Variants in AKT3 observed in about 807,000 individuals in gnomAD.
The protein encoded by AKT3 is AKT serine/threonine kinase 3, also known as RAC-gamma serine/threonine-protein kinase.
Under a neutral mutation model 65.3 loss-of-function variants are expected in AKT3, and 15 were observed. The observed-to-expected ratio is 0.23, with a 90% confidence interval of 0.15 to 0.35. AKT3 has a LOEUF of 0.35. Among genes scored for constraint, AKT3 ranks in the 10% least tolerant of loss-of-function variants. AKT3 has a pLI of 1.00. For missense variants in AKT3, 243 were observed against 576.5 expected, an observed-to-expected ratio of 0.42 and a Z score of 5.92; for synonymous variants, 206 against 183.8, an observed-to-expected ratio of 1.12 and a Z score of -0.98.
At chr1:243,592,171 T>A (rs560626651) in intron 8 of AKT3, among the ~76,000 whole-genome samples, 9 of 151,742 alleles carry the variant, frequency 5.9e-5, no homozygotes, top group Admixed American at 1.3e-4. Context: ...CCGTCGCTAC[T>A]AAAAATACAA....
At chr1:243,744,556 G>A (rs995644594) in intron 2 of AKT3, among the ~76,000 whole-genome samples, 6 of 151,750 alleles carry the variant, frequency 4.0e-5, no homozygotes, top group Admixed American at 6.6e-5. Context: ...CGGCTAAAAC[G>A]GTGAAACCCC....
chr1:243,693,823 T>C (rs547159306), intron 3 of AKT3, among the ~76,000 whole-genome samples: 50 of 152,278 alleles, frequency 3.3e-4, no homozygotes, highest in Admixed American at 8.5e-4. Context: ...TAGAGTAAGA[T>C]CCATGTTACT....
chr1:243,530,559 C>A (rs187333324), intron 12 of AKT3, among the ~76,000 whole-genome samples: 1 of 152,238 alleles, frequency 6.6e-6, no homozygotes, highest in East Asian at 1.9e-4. Flanking sequence ...TAAACGCCCA[C>A]ATAAAAAGTT....
intron 2 of AKT3, among the ~76,000 whole-genome samples, chr1:243,721,835 G>T (rs911517677): frequency 2.6e-5 from 4 of 152,048 alleles, no homozygotes; most frequent in Non-Finnish European, 5.9e-5. Context: ...CACTCCTGTT[G>T]CTTCCAGGCA....
At chr1:243,605,422 C>T (rs555112325) in intron 8 of AKT3, among the ~76,000 whole-genome samples, 2 of 152,246 alleles carry the variant, frequency 1.3e-5, no homozygotes, top group Admixed American at 1.3e-4. Context: ...AGTTTATATT[C>T]CATGAAGCTC....
At chr1:243,739,895 T>G (rs1688050636) in intron 2 of AKT3, among the ~76,000 whole-genome samples, 1 of 152,250 alleles carries the variant, frequency 6.6e-6, no homozygotes, top group Non-Finnish European at 1.5e-5. Flanking sequence ...CTTTTTCTTT[T>G]TAGAGCCCTT....
At chr1:243,720,540 G>A (rs1686822104) in intron 2 of AKT3, among the ~76,000 whole-genome samples, 1 of 151,100 alleles carries the variant, frequency 6.6e-6, no homozygotes, top group East Asian at 1.9e-4. Flanking sequence ...ACTACATAGA[G>A]TTCTATGATT....
At chr1:243,764,730 G>A (rs575911431) in intron 2 of AKT3, among the ~76,000 whole-genome samples, 1 of 152,112 alleles carries the variant, frequency 6.6e-6, no homozygotes, top group African/African-American at 2.4e-5. Flanking sequence ...CATTAGAAAG[G>A]TGCCCCATAA....
In AKT3 at chr1:243,737,570, C is replaced by T. The variant is rs761554172; in HGVS notation, c.47-41854G>A. ...CAAAAGAAAAAGTGAGCACTCAATA[C>T]AGGGATGAACAAACAAAAGAAAGTG... On this transcript the variant is annotated intron_variant, in intron 2 of 13. Coordinates refer to ENST00000673466, the MANE Select transcript of AKT3 (RefSeq NM_005465.7). 2.0e-5 allele frequency among the ~76,000 whole-genome samples: 3 copies of T among 152,198 alleles called. No individual in the cohort carries two copies. The East Asian group carries it at 5.8e-4, about 29-fold the overall frequency.
At chr1:243,725,381 T>C (rs1023617170) in intron 2 of AKT3, among the ~76,000 whole-genome samples, 16 of 152,232 alleles carry the variant, frequency 1.1e-4, no homozygotes, top group Middle Eastern at 3.4e-3. Flanking sequence ...CACCAGTGAC[T>C]AGAGTGAGTG....
intron 12 of AKT3, among the ~76,000 whole-genome samples, chr1:243,535,207 T>TTATTTTAAAATATATTTTAAAAA (rs1671835758): frequency 6.8e-6 from 1 of 147,636 alleles, no homozygotes; most frequent in Non-Finnish European, 1.5e-5. Flanking sequence ...TATTTTAAAA[T>TTATTTTAAAATATATTTTAAAAA]TATTTTAAAA....
chr1:243,616,459 G>A (rs1678328136), intron 6 of AKT3, among the ~76,000 whole-genome samples: 1 of 151,882 alleles, frequency 6.6e-6, no homozygotes, highest in Admixed American at 6.6e-5. Flanking sequence ...GCAAACTAGT[G>A]TTTTCTTCAA....
intron 1 of AKT3, among the ~76,000 whole-genome samples, chr1:243,849,797 CG>C (rs1558869659): frequency 6.6e-6 from 1 of 151,766 alleles, no homozygotes; most frequent in Non-Finnish European, 1.5e-5. Flanking sequence ...CCCCGGAAAG[CG>C]GGGGGTGTCG....
intron 2 of AKT3, among the ~76,000 whole-genome samples, chr1:243,707,482 T>TATAGGGC (rs1465015916): frequency 6.6e-6 from 1 of 152,032 alleles, no homozygotes; most frequent in Non-Finnish European, 1.5e-5. Flanking sequence ...CAATAACAAC[T>TATAGGGC]AACTATAGGG....
At chr1:243,794,804 CATTA>C (rs1691850339) in intron 2 of AKT3, among the ~76,000 whole-genome samples, 1 of 152,214 alleles carries the variant, frequency 6.6e-6, no homozygotes, top group Non-Finnish European at 1.5e-5. Context: ...CAAAGCACAT[CATTA>C]ATTAAAAGAA....
At position 243,499,734 on chromosome 1, in the gene AKT3, T is replaced by C; in HGVS notation, c.*5515A>G. 1 of 1,597,224 alleles carries C rather than the reference T, an allele frequency of 6.3e-7. No homozygotes were observed. The highest frequency in any genetic ancestry group is 1.1e-5 in the South Asian group (1 of 90,718). Reference sequence around the variant, plus strand: ...TTGAAGAACATGAGCTATTGAAACTTACTTTTTATTATTTTTTCCAGTTAC... The same window carrying C: ...TTGAAGAACATGAGCTATTGAAACTCACTTTTTATTATTTTTTCCAGTTAC... On this transcript the variant is annotated 3_prime_UTR_variant, in exon 14 of 14. Transcript: ENST00000673466.
chr1:243,584,829 G>C (rs1347071679), intron 8 of AKT3, among the ~76,000 whole-genome samples: 1 of 152,044 alleles, frequency 6.6e-6, no homozygotes, highest in South Asian at 2.1e-4. Context: ...TTCCCCTTGA[G>C]AACTGGAACA....
intron 8 of AKT3, among the ~76,000 whole-genome samples, chr1:243,583,170 G>A (rs2926014): frequency 0.54 from 62,027 of 115,292 alleles, 18,204 homozygotes; most frequent in Non-Finnish European, 0.64. Context: ...ATATGTGTGT[G>A]TATATATATA....
In AKT3 at chr1:243,501,009, CTT is replaced by C; in HGVS notation, c.*4238_*4239del. ...CACCTTTAAAGAATTATAGAGGTCA[CTT>C]TTTTTTAGCCTCCTGGATCTGTCAA... On this transcript the variant is annotated 3_prime_UTR_variant, in exon 14 of 14. Coordinates refer to ENST00000673466, the MANE Select transcript of AKT3 (RefSeq NM_005465.7). 4.4e-6 allele frequency: 1 copy of C among 228,374 alleles called. No individual in the cohort carries two copies. Among genetic ancestry groups the C allele is most frequent in the Non-Finnish European group, 8.7e-6 (1 of 115,150 alleles). 14.1% of individuals were successfully genotyped at this position (228,374 alleles called of 1,614,324 possible).
Sources: gnomAD v4.1 joint callset for allele counts (sites outside exome capture counted in the v4.1 genomes callset) on GRCh38, gnomAD v4.1.1 for gene constraint, MANE v1.5 for transcripts, NCBI Gene and HGNC (gene_info 2026-07-23, HGNC 2026-07-21) for gene names.